Variants in MTA3 observed in about 807,000 individuals in gnomAD.
MTA3 encodes metastasis-associated protein MTA3.
MTA3 carries 34 observed loss-of-function variants against 83.5 expected under a neutral mutation model. The ratio of observed to expected loss-of-function variants is 0.41; its 90% CI spans 0.31 to 0.54. The LOEUF is 0.54. Among genes scored for constraint, MTA3 ranks in the 20% least tolerant of loss-of-function variants. MTA3 has a pLI of 0.33. For missense variants in MTA3, 761 were observed against 726.4 expected, an observed-to-expected ratio of 1.05 and a Z score of -0.55; for synonymous variants, 303 against 252.7, an observed-to-expected ratio of 1.20 and a Z score of -1.89.
At chr2:42,674,993 A>T (rs1326489221) in intron 8 of MTA3, among the ~76,000 whole-genome samples, 1 of 151,832 alleles carries the variant, frequency 6.6e-6, no homozygotes, top group Non-Finnish European at 1.5e-5. Flanking sequence ...TAAAATTAAA[A>T]AATTAATGCT....
At chr2:42,684,966 T>C (rs763608757) in intron 9 of MTA3, among the ~76,000 whole-genome samples, 14 of 152,218 alleles carry the variant, frequency 9.2e-5, no homozygotes, top group Non-Finnish European at 1.9e-4. Flanking sequence ...TTAAAAAGGA[T>C]TCCTTGTGCC....
chr2:42,572,697 T>C (rs190311606), intron 2 of MTA3, among the ~76,000 whole-genome samples: 88 of 152,314 alleles, frequency 5.8e-4, no homozygotes, highest in African/African-American at 2.0e-3. Flanking sequence ...AGAAGCCTTA[T>C]GATTGCAGGA....
At chr2:42,624,160 C>A (rs964551149) in intron 4 of MTA3, among the ~76,000 whole-genome samples, 1 of 152,016 alleles carries the variant, frequency 6.6e-6, no homozygotes, top group South Asian at 2.1e-4. Flanking sequence ...GCCTAGTGAT[C>A]CATAATTCAG....
intron 8 of MTA3, among the ~76,000 whole-genome samples, chr2:42,667,629 G>GT (rs1558562547): frequency 0.093 from 9,600 of 103,234 alleles, 458 homozygotes; most frequent in Admixed American, 0.15. Flanking sequence ...GAAAGAGAGA[G>GT]AGAGAGAGAG....
Position 42,517,401 on chromosome 2 carries a change from ATC to A in MTA3, c.-141+22151_-141+22152del, listed in dbSNP as rs1675193851. ...GGCATGGCCAACATGGTGAAACCTC[ATC>A]TCTACTAAAAATACAAAAAGTTAGC... On this transcript the variant is annotated intron_variant, in intron 2 of 17. Coordinates refer to the MTA3 transcript ENST00000405592. 2.0e-5 allele frequency among the ~76,000 whole-genome samples: 3 copies of A among 150,558 alleles called. No individual in the cohort carries two copies. The South Asian group carries it at 6.3e-4, about 32-fold the overall frequency.
chr2:42,707,805 T>TA, intron 12 of MTA3, 98 bp from the exon 13 acceptor site: 6 of 1,272,874 alleles, frequency 4.7e-6, no homozygotes, highest in Non-Finnish European at 5.3e-6. Flanking sequence ...CATTGTAAAC[T>TA]AAGCATGACA....
intron 1 of MTA3, 122 bp downstream of exon 1, chr2:42,568,895 G>A (rs1327690831): frequency 3.1e-6 from 3 of 983,382 alleles, no homozygotes; most frequent in South Asian, 9.9e-5. Context: ...AGTGGGCTGG[G>A]GCGCCGGGGC....
intron 2 of MTA3, among the ~76,000 whole-genome samples, chr2:42,522,998 CAG>C (rs1354252397): frequency 3.3e-5 from 5 of 151,586 alleles, no homozygotes; most frequent in Non-Finnish European, 7.4e-5. Context: ...TTTGTAGAAA[CAG>C]GGTCTCACTG....
rs759672314 is a variant in MTA3 at position 42,708,043 on chromosome 2, C to T, written c.1291C>T (p.Pro431Ser). The part of the protein sequence containing the change: ...QSEEEKLSPS[P>S]TTEDPRVRSH... ...AGAAGAAGAGAAGTTATCTCCTAGC[C>T]CAACTACAGAGGTACAGTAGTCTTT... The change falls in exon 13 of 17, where the codon CCA becomes TCA. Residue 431 changes from proline to serine, a missense_variant. Coordinates refer to ENST00000405094, the MANE Select transcript of MTA3 (RefSeq NM_001330442.2). The T allele has an allele frequency of 6.8e-6, 11 of 1,607,788 alleles. No individual in the cohort carries two copies. The highest frequency in any genetic ancestry group is 9.3e-6 in the Non-Finnish European group (11 of 1,178,288).
At chr2:42,504,319 A>C (rs922450615) in intron 2 of MTA3, among the ~76,000 whole-genome samples, 19 of 151,532 alleles carry the variant, frequency 1.3e-4, no homozygotes, top group South Asian at 4.2e-4. Context: ...GGCTCACTAC[A>C]ACTTCCACCT....
chr2:42,731,005 T>C (rs557654359), intron 16 of MTA3, among the ~76,000 whole-genome samples: 5 of 152,330 alleles, frequency 3.3e-5, no homozygotes, highest in Admixed American at 3.3e-4. Context: ...TAATTGCTTA[T>C]GATAGTCTCT....
chr2:42,664,242 C>A (rs996014605), intron 8 of MTA3, among the ~76,000 whole-genome samples: 2 of 152,046 alleles, frequency 1.3e-5, no homozygotes, highest in Admixed American at 1.3e-4. Context: ...TACTTAGACT[C>A]TTAGATCCTG....
In MTA3 at chr2:42,664,466, C is replaced by CTTTTTTTTTTTTTTTTTTTTTTT. The variant is rs35633597; in HGVS notation, c.702+4610_702+4632dup. Among the ~76,000 whole-genome samples, 34 of 85,758 alleles carry CTTTTTTTTTTTTTTTTTTTTTTT rather than the reference C, an allele frequency of 4.0e-4. 17 individuals are homozygous for CTTTTTTTTTTTTTTTTTTTTTTT. Among genetic ancestry groups the CTTTTTTTTTTTTTTTTTTTTTTT allele is most frequent in the African/African-American group, 9.5e-4 (20 of 21,052 alleles). The allele number at this position is 85,758 out of a possible 152,430, so 56.3% of individuals were successfully genotyped here. On this transcript the variant is annotated intron_variant, in intron 8 of 16. Transcript: ENST00000405094. ...CCTACTACCCCCTCACCCCGCTTAC[C>CTTTTTTTTTTTTTTTTTTTTTTT]TTTTTTTTTTTTTTTTTTTTTTTTT...
intron 2 of MTA3, among the ~76,000 whole-genome samples, chr2:42,576,724 CCT>C (rs1451881116): frequency 2.6e-5 from 4 of 152,072 alleles, no homozygotes; most frequent in Non-Finnish European, 5.9e-5. Context: ...GTGGTGAAAC[CCT>C]GTCTCTACTA....
intron 2 of MTA3, among the ~76,000 whole-genome samples, chr2:42,546,900 A>C (rs562483113): frequency 6.6e-6 from 1 of 152,306 alleles, no homozygotes; most frequent in East Asian, 1.9e-4. Flanking sequence ...TAACGATACA[A>C]TGTGGCAGAA....
At chr2:42,734,470 C>CTT (rs3040123) in intron 16 of MTA3, among the ~76,000 whole-genome samples, 16 of 82,452 alleles carry the variant, frequency 1.9e-4, no homozygotes, top group Non-Finnish European at 3.3e-4. Flanking sequence ...ATCACGGGGC[C>CTT]TTTTTTTTTT....
chr2:42,529,249 C>G (rs994134247), intron 2 of MTA3, among the ~76,000 whole-genome samples: 1 of 152,126 alleles, frequency 6.6e-6, no homozygotes, highest in African/African-American at 2.4e-5. Flanking sequence ...GCAAGACCAG[C>G]TAGGCCTCTT....
chr2:42,668,421 A>G (rs1252332572), intron 8 of MTA3, among the ~76,000 whole-genome samples: 3 of 152,200 alleles, frequency 2.0e-5, no homozygotes, highest in Non-Finnish European at 4.4e-5. Context: ...GGTCCTGAAC[A>G]AGACCCCTGC....
chr2:42,498,679 C>T (rs552529140), intron 2 of MTA3, among the ~76,000 whole-genome samples: 1 of 152,300 alleles, frequency 6.6e-6, no homozygotes, highest in Non-Finnish European at 1.5e-5. Flanking sequence ...GCCACAAAGA[C>T]AGCTTGTGTG....
Sources: allele counts gnomAD v4.1 joint callset (sites outside exome capture counted in the v4.1 genomes callset), GRCh38; gene constraint gnomAD v4.1.1; transcripts MANE v1.5; gene names NCBI Gene and HGNC (gene_info 2026-07-23, HGNC 2026-07-21).